The following WWC1 variants were observed in gnomAD, a reference collection of about 807,000 sequenced individuals.
The protein encoded by WWC1 is protein KIBRA.
A neutral mutation model predicts 138.4 loss-of-function variants in WWC1; 55 were observed. The ratio of observed to expected loss-of-function variants is 0.40; its 90% confidence interval spans 0.32 to 0.50. The LOEUF (loss-of-function observed/expected upper bound fraction) is 0.50. Ranked by LOEUF, WWC1 falls within the 20% of genes least tolerant of loss-of-function variation. The pLI, the probability that WWC1 is intolerant of heterozygous loss-of-function variation, is 0.72. For synonymous variants in WWC1, 524 were observed against 564.9 expected, an observed-to-expected ratio of 0.93 and a Z score of 1.03; for missense variants, 1,226 against 1,420.4, an observed-to-expected ratio of 0.86 and a Z score of 2.20.
intron 8 of WWC1, among the ~76,000 whole-genome samples, chr5:168,411,049 C>G (rs769319983): frequency 1.3e-5 from 2 of 151,862 alleles, no homozygotes; most frequent in African/African-American, 2.4e-5. Context: ...CCTCAGCCTC[C>G]CGAGTAGCTG....
At chr5:168,317,649 A>G (rs1771721455) in intron 1 of WWC1, among the ~76,000 whole-genome samples, 1 of 152,180 alleles carries the variant, frequency 6.6e-6, no homozygotes, top group South Asian at 2.1e-4. Flanking sequence ...ATGTGAACAC[A>G]GAGGCCTTTT....
chr5:168,404,284 A>G (rs1779616139), intron 5 of WWC1, among the ~76,000 whole-genome samples: 1 of 152,206 alleles, frequency 6.6e-6, no homozygotes, highest in African/African-American at 2.4e-5. Context: ...CCTGTCCCGG[A>G]CACTGGCTGT....
chr5:168,353,739 T>A (rs892238991), intron 1 of WWC1, among the ~76,000 whole-genome samples: 3 of 152,166 alleles, frequency 2.0e-5, no homozygotes, highest in Non-Finnish European at 4.4e-5. Flanking sequence ...AAATGCAAGG[T>A]CTTATTTATT....
intron 1 of WWC1, among the ~76,000 whole-genome samples, chr5:168,327,988 C>T (rs1772700314): frequency 6.6e-6 from 1 of 152,182 alleles, no homozygotes. Context: ...ATGTGCAACC[C>T]ATTGAAACGC....
intron 5 of WWC1, among the ~76,000 whole-genome samples, chr5:168,400,448 A>C (rs758553334): frequency 7.9e-5 from 12 of 152,126 alleles, no homozygotes; most frequent in Non-Finnish European, 1.3e-4. Context: ...GTTGTTTCTT[A>C]AGAGTGGTTG....
At chr5:168,426,519 G>A (rs368164959) in intron 11 of WWC1, among the ~76,000 whole-genome samples, 5 of 152,222 alleles carry the variant, frequency 3.3e-5, no homozygotes, top group African/African-American at 1.2e-4. Context: ...CCTGCAGCAA[G>A]CAATGCCAGG....
intron 1 of WWC1, among the ~76,000 whole-genome samples, chr5:168,308,346 G>T (rs1411512234): frequency 6.6e-6 from 1 of 152,176 alleles, no homozygotes; most frequent in Non-Finnish European, 1.5e-5. Context: ...GAGCATGCTG[G>T]ATTGGAAAAT....
intron 1 of WWC1, among the ~76,000 whole-genome samples, chr5:168,338,110 A>AGACC (rs1360164813): frequency 6.6e-6 from 1 of 152,050 alleles, no homozygotes; most frequent in Admixed American, 6.5e-5. Flanking sequence ...CAGGAGTTCG[A>AGACC]GACCGGTCTG....
chr5:168,319,324 G>T (rs1359803576), intron 1 of WWC1, among the ~76,000 whole-genome samples: 2 of 152,126 alleles, frequency 1.3e-5, no homozygotes, highest in African/African-American at 4.8e-5. Flanking sequence ...GGAGGCCGAG[G>T]CAGGAGAATC....
intron 3 of WWC1, among the ~76,000 whole-genome samples, chr5:168,394,058 CT>C (rs1778705596): frequency 6.6e-6 from 1 of 152,090 alleles, no homozygotes; most frequent in East Asian, 1.9e-4. Context: ...TATGCTATTG[CT>C]TTTAGGATGA....
chr5:168,463,412 T>G (rs1476253216), intron 20 of WWC1, among the ~76,000 whole-genome samples: 2 of 152,184 alleles, frequency 1.3e-5, no homozygotes, highest in Non-Finnish European at 2.9e-5. Flanking sequence ...ACTCTCAGGT[T>G]TTTGCCCTGT....
chr5:168,389,503 G>A (rs72645751), intron 3 of WWC1, among the ~76,000 whole-genome samples: 7,397 of 150,456 alleles, frequency 0.049, 565 homozygotes, highest in East Asian at 0.24. Context: ...GGAGGTGGCA[G>A]CTGGACTCTG....
At chr5:168,441,604 T>C (rs539797699) in intron 15 of WWC1, 78 bp from the exon 16 acceptor site, 1 of 1,526,548 alleles carries the variant, frequency 6.6e-7, no homozygotes, top group East Asian at 2.3e-5. Flanking sequence ...TTCCATACTG[T>C]CCTCTTGAAC....
At position 168,471,266 on chromosome 5, in the gene WWC1, A is replaced by C. The variant is rs1039569216; in HGVS notation, c.*2249A>C. 6.6e-6 allele frequency: 1 copy of C among 152,516 alleles called. No homozygotes were observed. Among genetic ancestry groups the C allele is most frequent in the African/African-American group, 2.4e-5 (1 of 41,430 alleles). 9.4% of individuals were successfully genotyped at this position (152,516 alleles called of 1,614,324 possible). On this transcript the variant is annotated 3_prime_UTR_variant, in exon 23 of 23. Coordinates refer to ENST00000265293, the MANE Select transcript of WWC1 (RefSeq NM_015238.3). ...TTCCAGGCCCCCCTGTATAGCTGCTATCCAGCCCGATTTCTCACCACTGGC... is the reference window on the plus strand; with the variant it reads ...TTCCAGGCCCCCCTGTATAGCTGCTCTCCAGCCCGATTTCTCACCACTGGC...
chr5:168,297,681 A>G (rs963831843), intron 1 of WWC1, among the ~76,000 whole-genome samples: 1 of 151,862 alleles, frequency 6.6e-6, no homozygotes, highest in Non-Finnish European at 1.5e-5. Flanking sequence ...GACTTGCCCA[A>G]GGTCACACAG....
chr5:168,349,522 T>G (rs1012048820), intron 1 of WWC1, among the ~76,000 whole-genome samples: 1 of 152,182 alleles, frequency 6.6e-6, no homozygotes, highest in Non-Finnish European at 1.5e-5. Flanking sequence ...AGCACAGCCC[T>G]GCAGGCTGGC....
chr5:168,466,987 C>A (rs533768671), intron 21 of WWC1, among the ~76,000 whole-genome samples: 2 of 152,064 alleles, frequency 1.3e-5, no homozygotes, highest in African/African-American at 4.8e-5. Context: ...TTAGGCCGGA[C>A]GCGGTGGCTC....
intron 8 of WWC1, among the ~76,000 whole-genome samples, chr5:168,413,414 A>G (rs1185325439): frequency 3.3e-5 from 5 of 152,222 alleles, no homozygotes; most frequent in Non-Finnish European, 4.4e-5. Context: ...ACACCTGGCA[A>G]TGTATAAAGG....
intron 1 of WWC1, among the ~76,000 whole-genome samples, chr5:168,365,719 A>G (rs189404037): frequency 1.0e-3 from 153 of 152,270 alleles, no homozygotes; most frequent in Middle Eastern, 3.4e-3. Context: ...CTCCTGGCAG[A>G]ACCTACCTGT....
Sources: gnomAD v4.1 joint callset for allele counts (sites outside exome capture counted in the v4.1 genomes callset) on GRCh38, gnomAD v4.1.1 for gene constraint, MANE v1.5 for transcripts, NCBI Gene and HGNC (gene_info 2026-07-23, HGNC 2026-07-21) for gene names.